HTR1D: variants seen among roughly 807,000 people sequenced by gnomAD.
The protein encoded by HTR1D is 5-HT-1D.
Under a neutral mutation model 21.1 loss-of-function variants are expected in HTR1D, and 18 were observed. The observed-to-expected ratio is 0.85, with a 90% CI of 0.59 to 1.27. The LOEUF is 1.27. Among genes scored for constraint, HTR1D ranks in the 50% most tolerant of loss-of-function variants. The pLI is 0.00. For synonymous variants in HTR1D, 196 were observed against 204.4 expected (o/e 0.96, Z 0.35); for missense variants, 456 against 481.4 (o/e 0.95, Z 0.49).
intron 1 of HTR1D, among the ~76,000 whole-genome samples, chr1:23,206,888 A>C (rs1427889323): frequency 6.6e-6 from 1 of 152,210 alleles, no homozygotes; most frequent in African/African-American, 2.4e-5. Flanking sequence ...GAAAGGCTCC[A>C]GGAACTGGTG....
chr1:23,195,269 T>A (rs937896074), intron 1 of HTR1D, among the ~76,000 whole-genome samples: 1 of 152,176 alleles, frequency 6.6e-6, no homozygotes, highest in Non-Finnish European at 1.5e-5. Flanking sequence ...TCAGAAAGCA[T>A]CATTTTATTT....
At chr1:23,199,294 T>C (rs527393093) in intron 1 of HTR1D, among the ~76,000 whole-genome samples, 2 of 151,988 alleles carry the variant, frequency 1.3e-5, no homozygotes, top group East Asian at 1.9e-4. Context: ...TTAAATTTTT[T>C]TGTAGAGGTG....
intron 1 of HTR1D, among the ~76,000 whole-genome samples, chr1:23,208,343 G>A (rs9426818): frequency 0.011 from 1,600 of 152,174 alleles, 25 homozygotes; most frequent in African/African-American, 0.033. Flanking sequence ...AGGTCGAGGC[G>A]GGTGGAACAC....
chr1:23,214,175 C>G (rs946621368), intron 1 of HTR1D, among the ~76,000 whole-genome samples: 1 of 152,166 alleles, frequency 6.6e-6, no homozygotes, highest in South Asian at 2.1e-4. Flanking sequence ...GCCTGTAATT[C>G]CAACACTTCG....
At chr1:23,208,598 A>AG (rs1429848131) in intron 1 of HTR1D, among the ~76,000 whole-genome samples, 1 of 152,006 alleles carries the variant, frequency 6.6e-6, no homozygotes, top group East Asian at 1.9e-4. Context: ...AAAGAAAGAA[A>AG]AAAAAAATTA....
Position 23,193,244 on chromosome 1 carries a change from T to G in HTR1D, c.976A>C (p.Ile326Leu). Residue 326 changes from isoleucine to leucine, a missense_variant, in exon 2 of 2, where the codon ATC becomes CTC. Ile to Leu is a conservative substitution (Grantham distance 5). Transcript: ENST00000374619. ...PFFVVSLVLP[I>L]CRDSCWIHPA... is the part of the protein sequence containing the mutation. ...TGGATCCAGCAGGAGTCCCGGCAGATGGGGAGGACCAGAGACACCACGAAG... is the reference window on the plus strand; with the variant it reads ...TGGATCCAGCAGGAGTCCCGGCAGAGGGGGAGGACCAGAGACACCACGAAG... 6.2e-7 allele frequency: 1 copy of G among 1,614,016 alleles called. No homozygotes were observed. Among genetic ancestry groups the G allele is most frequent in the Non-Finnish European group, 8.5e-7 (1 of 1,180,008 alleles).
chr1:23,206,195 C>A (rs995238428), intron 1 of HTR1D, among the ~76,000 whole-genome samples: 1 of 152,138 alleles, frequency 6.6e-6, no homozygotes, highest in Non-Finnish European at 1.5e-5. Context: ...ATGCCCACCA[C>A]CATACCCAGC....
chr1:23,214,545 G>A (rs1025255788), intron 1 of HTR1D, among the ~76,000 whole-genome samples: 4 of 152,072 alleles, frequency 2.6e-5, no homozygotes, highest in South Asian at 2.1e-4. Flanking sequence ...CTGCCACCCC[G>A]GCCGTCTCTC....
rs559398234 is a variant in HTR1D, at chr1:23,203,315, T to C, written c.-782-8314A>G. On this transcript the variant is annotated intron_variant, in intron 1 of 1. Coordinates refer to ENST00000374619, the MANE Select transcript of HTR1D (RefSeq NM_000864.5). ...TGCCAGTTTTAAAATCTAATCACTG[T>C]CTTGAGGTGTAAGCAAATCAGTCTT... Among the ~76,000 whole-genome samples, 11 of 152,280 alleles carry C rather than the reference T, an allele frequency of 7.2e-5. No individual in the cohort carries two copies. The East Asian group carries it at 2.1e-3, about 29-fold the overall frequency.
rs143813360 is a variant in HTR1D at position 23,194,136 on chromosome 1, A to G, written c.84T>C (p.Ala28=). The G allele has an allele frequency of 4.7e-5, 76 of 1,613,966 alleles. No homozygotes were observed. Among genetic ancestry groups the G allele is most frequent in the Non-Finnish European group, 6.4e-5 (76 of 1,180,012 alleles). ...GCGCCTGGAGGGTCCTGGGATCCCA[A>G]GCCTCTGAGGTTTCTGTGGCATTCA... ...RSLNATETSE[A]WDPRTLQALK... The change falls in exon 2 of 2, where the codon GCT becomes GCC. Residue 28 remains alanine (A), a synonymous_variant. Transcript: ENST00000374619.
chr1:23,214,585 T>A (rs7519093), intron 1 of HTR1D, among the ~76,000 whole-genome samples: 45,793 of 152,018 alleles, frequency 0.3, 7,358 homozygotes, highest in South Asian at 0.48. Context: ...CTGCCCGTCT[T>A]AAATATCACC....
intron 1 of HTR1D, among the ~76,000 whole-genome samples, chr1:23,200,305 T>C (rs998266323): frequency 1.3e-5 from 2 of 152,146 alleles, no homozygotes; most frequent in East Asian, 1.9e-4. Flanking sequence ...TCCTGAACAA[T>C]TGTCATGATG....
intron 1 of HTR1D, among the ~76,000 whole-genome samples, chr1:23,212,485 C>T (rs1644757213): frequency 6.6e-6 from 1 of 152,206 alleles, no homozygotes; most frequent in African/African-American, 2.4e-5. Flanking sequence ...CAAGTGGAGC[C>T]AGCCTCTCTC....
intron 1 of HTR1D, among the ~76,000 whole-genome samples, chr1:23,202,505 T>A (rs553005489): frequency 1.3e-5 from 2 of 152,352 alleles, no homozygotes; most frequent in South Asian, 4.1e-4. Flanking sequence ...GAGGGCTCTT[T>A]AACTAAGTGA....
At chr1:23,209,884 G>T (rs1644747431) in intron 1 of HTR1D, among the ~76,000 whole-genome samples, 1 of 152,094 alleles carries the variant, frequency 6.6e-6, no homozygotes, top group South Asian at 2.1e-4. Context: ...TCTGTACTGG[G>T]TACCTGTGAT....
At chr1:23,207,382 C>T (rs1165711621) in intron 1 of HTR1D, among the ~76,000 whole-genome samples, 5 of 151,954 alleles carry the variant, frequency 3.3e-5, no homozygotes, top group Non-Finnish European at 7.4e-5. Flanking sequence ...GCACTCCAGC[C>T]TCGGTAACAG....
At chr1:23,199,339 C>T (rs911377587) in intron 1 of HTR1D, among the ~76,000 whole-genome samples, 1 of 146,974 alleles carries the variant, frequency 6.8e-6, no homozygotes, top group African/African-American at 2.5e-5. Flanking sequence ...TGTCTTCAAA[C>T]TCCTGGACTC....
chr1:23,212,268 C>G (rs930698575), intron 1 of HTR1D, among the ~76,000 whole-genome samples: 5 of 152,300 alleles, frequency 3.3e-5, no homozygotes, highest in Non-Finnish European at 7.4e-5. Flanking sequence ...TCACACTGGA[C>G]TCCCCTGGAC....
intron 1 of HTR1D, among the ~76,000 whole-genome samples, chr1:23,206,670 G>A (rs1476801384): frequency 6.6e-6 from 1 of 152,046 alleles, no homozygotes; most frequent in Admixed American, 6.6e-5. Flanking sequence ...TCACCCTTCA[G>A]AGCTAGGCTC....
Sources: gnomAD v4.1 joint callset for allele counts (sites outside exome capture counted in the v4.1 genomes callset) on GRCh38, gnomAD v4.1.1 for gene constraint, MANE v1.5 for transcripts, NCBI Gene and HGNC (gene_info 2026-07-23, HGNC 2026-07-21) for gene names.